STK33: variants seen among roughly 807,000 people sequenced by gnomAD.
STK33 encodes serine/threonine-protein kinase 33.
STK33 carries 52 observed loss-of-function variants against 58.0 expected under a neutral mutation model. The ratio of observed to expected loss-of-function variants is 0.90; its 90% CI spans 0.72 to 1.13. STK33 has a LOEUF of 1.13. Ranked by LOEUF, STK33 falls within the 50% of genes most tolerant of loss-of-function variation. The pLI is 0.00. For synonymous variants in STK33, 215 were observed against 200.1 expected, an observed-to-expected ratio of 1.07 and a Z score of -0.63; for missense variants, 630 against 604.2, an observed-to-expected ratio of 1.04 and a Z score of -0.45.
chr11:8,351,172 C>A, the STK33 span, among the ~76,000 whole-genome samples: 1 of 152,140 alleles, frequency 6.6e-6, no homozygotes, highest in Admixed American at 6.5e-5. Flanking sequence ...AACCAAACGC[C>A]AATTCTATTC....
intron 1 of STK33, among the ~76,000 whole-genome samples, chr11:8,573,181 A>C (rs1482720820): frequency 6.6e-6 from 1 of 152,224 alleles, no homozygotes; most frequent in African/African-American, 2.4e-5. Context: ...GAGAAAAATG[A>C]CTGCAAATCA....
At chr11:8,514,116 G>T (rs942258369) in intron 1 of STK33, among the ~76,000 whole-genome samples, 2 of 152,064 alleles carry the variant, frequency 1.3e-5, no homozygotes, top group African/African-American at 4.8e-5. Flanking sequence ...AATGATTTCA[G>T]GTTCTAACTA....
chr11:8,494,564 A>G (rs989994392), intron 1 of STK33, among the ~76,000 whole-genome samples: 1 of 152,206 alleles, frequency 6.6e-6, no homozygotes, highest in African/African-American at 2.4e-5. Context: ...GAAGCTACCA[A>G]TGACTTTCTT....
rs138120144 is a variant in STK33 at position 8,409,479 on chromosome 11, T to C, written c.1344+4016A>G. Reference sequence around the variant, plus strand: ...AGGATGAGAAAATAGCCTTCAACAGTTCTACCAGGGAGAACTGCAAAGTCA... The same window carrying C: ...AGGATGAGAAAATAGCCTTCAACAGCTCTACCAGGGAGAACTGCAAAGTCA... On this transcript the variant is annotated intron_variant, in intron 15 of 15. Coordinates refer to ENST00000687296, the MANE Select transcript of STK33 (RefSeq NM_001352389.2). Among the ~76,000 whole-genome samples the C allele has an allele frequency of 3.7e-3, 557 of 152,252 alleles. 5 individuals are homozygous for C. Among genetic ancestry groups the C allele is most frequent in the African/African-American group, 0.013 (529 of 41,528 alleles).
At chr11:8,363,254 G>A in the STK33 span, among the ~76,000 whole-genome samples, 1 of 152,186 alleles carries the variant, frequency 6.6e-6, no homozygotes, top group African/African-American at 2.4e-5. Flanking sequence ...TCAAATTCTT[G>A]AAGATGGAGC....
At chr11:8,403,444 G>T (rs1208009292) in intron 15 of STK33, among the ~76,000 whole-genome samples, 1 of 152,242 alleles carries the variant, frequency 6.6e-6, no homozygotes. Context: ...AGAATAAGAG[G>T]CTATATATAA....
At chr11:8,471,661 GCTTCAA>G (rs1469465010) in intron 6 of STK33, among the ~76,000 whole-genome samples, 4 of 151,968 alleles carry the variant, frequency 2.6e-5, no homozygotes, top group Admixed American at 2.0e-4. Flanking sequence ...GGGAATAGAA[GCTTCAA>G]CTTCAACTAT....
chr11:8,386,068 C>A, the STK33 span, among the ~76,000 whole-genome samples: 5 of 152,216 alleles, frequency 3.3e-5, no homozygotes, highest in African/African-American at 1.2e-4. Context: ...CCACCGCGCC[C>A]GGCCAATCCA....
intron 1 of STK33, among the ~76,000 whole-genome samples, chr11:8,509,139 A>AAG (rs1565224056): frequency 2.1e-4 from 32 of 150,016 alleles, no homozygotes; most frequent in South Asian, 2.0e-3. Flanking sequence ...AAAAAAAAAA[A>AAG]GCCACTCATT....
At chr11:8,396,194 C>A (rs1849307803) in intron 15 of STK33, among the ~76,000 whole-genome samples, 1 of 152,154 alleles carries the variant, frequency 6.6e-6, no homozygotes, top group Non-Finnish European at 1.5e-5. Flanking sequence ...ACCTCCGCCT[C>A]CCGGGTTCAA....
chr11:8,491,163 T>C (rs987800489), intron 1 of STK33, among the ~76,000 whole-genome samples: 1 of 152,162 alleles, frequency 6.6e-6, no homozygotes, highest in African/African-American at 2.4e-5. Flanking sequence ...ATGAGGATGT[T>C]TGAACCTATC....
At chr11:8,537,737 G>A (rs534281056) in intron 1 of STK33, among the ~76,000 whole-genome samples, 1 of 151,460 alleles carries the variant, frequency 6.6e-6, no homozygotes, top group South Asian at 2.1e-4. Context: ...CTGAACCAGG[G>A]AGGTGGAGGT....
chr11:8,355,124 C>A, the STK33 span, among the ~76,000 whole-genome samples: 1 of 152,202 alleles, frequency 6.6e-6, no homozygotes, highest in Non-Finnish European at 1.5e-5. Flanking sequence ...GAGGGTGGGG[C>A]TTTTCCCATC....
intron 1 of STK33, among the ~76,000 whole-genome samples, chr11:8,554,774 A>T (rs1176674563): frequency 6.6e-6 from 1 of 152,056 alleles, no homozygotes; most frequent in Non-Finnish European, 1.5e-5. Flanking sequence ...CAAAGGAACC[A>T]AAATCCATAT....
chr11:8,496,711 A>G (rs1428183858), intron 1 of STK33, among the ~76,000 whole-genome samples: 1 of 151,800 alleles, frequency 6.6e-6, no homozygotes, highest in African/African-American at 2.4e-5. Flanking sequence ...AGTAGCTGGG[A>G]CTACAGGTGC....
chr11:8,341,311 G>A, the STK33 span, among the ~76,000 whole-genome samples: 1 of 152,210 alleles, frequency 6.6e-6, no homozygotes, highest in Admixed American at 6.5e-5. Context: ...CCACAAAGCA[G>A]GGAGGCTGCC....
rs61429377 is a variant in STK33 at position 8,534,532 on chromosome 11, TTCTCTCTC to T, written c.-465-53926_-465-53919del. The stretch of plus-strand genomic sequence containing the variant: ...AACTTGTTCCAGCAAGTATATATAT[TTCTCTCTC>T]TCTCTCTCTCTCTCTCTCTCTCTCT... On this transcript the variant is annotated intron_variant, in intron 1 of 15. Coordinates refer to ENST00000687296, the MANE Select transcript of STK33 (RefSeq NM_001352389.2). Among the ~76,000 whole-genome samples the T allele has an allele frequency of 8.3e-3, 1,014 of 122,480 alleles. 8 individuals are homozygous for T. The highest frequency in any genetic ancestry group is 0.044 in the Middle Eastern group (10 of 226). 80.4% of individuals were successfully genotyped at this position (122,480 alleles called of 152,430 possible). A position where few individuals can be genotyped will look rare whatever the true frequency, so the allele number is the denominator to read the frequency against.
At chr11:8,392,741 G>T in intron 15 of STK33, 31 bp from the exon 16 acceptor site, 1 of 1,609,734 alleles carries the variant, frequency 6.2e-7, no homozygotes, top group South Asian at 1.1e-5. Flanking sequence ...TTAATTTTCA[G>T]ACACAAAGCA....
At chr11:8,345,295 A>C in the STK33 span, among the ~76,000 whole-genome samples, 1 of 152,204 alleles carries the variant, frequency 6.6e-6, no homozygotes, top group Non-Finnish European at 1.5e-5. Context: ...TTAGTCGTAA[A>C]ACCACTGTGT....
Sources: gnomAD v4.1 joint callset for allele counts (sites outside exome capture counted in the v4.1 genomes callset) on GRCh38, gnomAD v4.1.1 for gene constraint, MANE v1.5 for transcripts, NCBI Gene and HGNC (gene_info 2026-07-23, HGNC 2026-07-21) for gene names.